The following TNIK variants were observed in gnomAD, a reference collection of about 807,000 sequenced individuals.
TNIK encodes TRAF2 and NCK-interacting protein kinase.
In TNIK, 49 loss-of-function variants were observed where a neutral mutation model predicts 191.3. That is an observed-to-expected ratio of 0.26 (90% CI 0.20 to 0.32). TNIK has a LOEUF of 0.32. Among genes scored for constraint, TNIK ranks in the 10% least tolerant of loss-of-function variants. The pLI is 1.00. For synonymous variants in TNIK, 594 were observed against 600.9 expected, an observed-to-expected ratio of 0.99 and a Z score of 0.17; for missense variants, 1,155 against 1,702.3, an observed-to-expected ratio of 0.68 and a Z score of 5.66.
In TNIK at chr3:171,139,629, G is replaced by T. The variant is rs774876987; in HGVS notation, c.1333-73C>A. 2.4e-5 allele frequency: 35 copies of T among 1,437,502 alleles called. No individual in the cohort carries two copies. The African/African-American group carries it at 4.4e-4, about 18-fold the overall frequency. The allele number at this position is 1,437,502 out of a possible 1,614,324, so 89.0% of individuals were successfully genotyped here. On this transcript the variant is annotated intron_variant, in intron 13 of 32. Coordinates refer to ENST00000436636, the MANE Select transcript of TNIK (RefSeq NM_015028.4). ...GAAATGAACCAGTAATTTCAAAGGC[G>T]ACAAGAGCCGCTAAGTAAAGTGTAG...
chr3:171,214,944 GT>G (rs1741282883), intron 3 of TNIK, among the ~76,000 whole-genome samples: 1 of 152,292 alleles, frequency 6.6e-6, no homozygotes. Context: ...CTTAGTGTTT[GT>G]GGTAGACTGA....
At chr3:171,129,081 A>G (rs1385627375) in intron 15 of TNIK, among the ~76,000 whole-genome samples, 1 of 152,090 alleles carries the variant, frequency 6.6e-6, no homozygotes, top group Non-Finnish European at 1.5e-5. Flanking sequence ...AGAACACCCA[A>G]GCCATCACTC....
intron 2 of TNIK, among the ~76,000 whole-genome samples, chr3:171,292,033 T>A (rs544539383): frequency 7.9e-5 from 12 of 152,348 alleles, no homozygotes; most frequent in South Asian, 6.2e-4. Flanking sequence ...GAGGATTTTT[T>A]AAATTTCAGA....
rs911287023 is a variant in TNIK at position 171,160,770 on chromosome 3, A to G, written c.1016+500T>C. Among the ~76,000 whole-genome samples the G allele has an allele frequency of 2.0e-5, 3 of 152,184 alleles. No individual in the cohort carries two copies. In the South Asian group the frequency reaches 6.2e-4, roughly 32 times the overall value. On this transcript the variant is annotated intron_variant, in intron 11 of 32. Coordinates refer to ENST00000436636, the MANE Select transcript of TNIK (RefSeq NM_015028.4). ...GCCCAAAAGTATTTGTTTGGAGTTCATCTCTACATATAATTTGATTTTCTG... is the reference window on the plus strand; with the variant it reads ...GCCCAAAAGTATTTGTTTGGAGTTCGTCTCTACATATAATTTGATTTTCTG...
intron 2 of TNIK, among the ~76,000 whole-genome samples, chr3:171,335,986 C>T (rs768919781): frequency 3.9e-5 from 6 of 151,986 alleles, no homozygotes; most frequent in Admixed American, 1.3e-4. Context: ...TAGTGTATCT[C>T]GTTGCAATTT....
At chr3:171,113,202 T>C (rs914317051) in intron 18 of TNIK, among the ~76,000 whole-genome samples, 3 of 152,254 alleles carry the variant, frequency 2.0e-5, no homozygotes, top group Non-Finnish European at 4.4e-5. Flanking sequence ...AAATCCTTTG[T>C]TCATGTAGCT....
intron 7 of TNIK, among the ~76,000 whole-genome samples, chr3:171,187,598 T>C (rs1017742826): frequency 6.6e-6 from 1 of 152,130 alleles, no homozygotes; most frequent in African/African-American, 2.4e-5. Flanking sequence ...TACTGTTCAA[T>C]TGATAAATTG....
intron 5 of TNIK, among the ~76,000 whole-genome samples, chr3:171,193,868 T>C (rs1402368943): frequency 6.6e-6 from 1 of 152,240 alleles, no homozygotes; most frequent in Non-Finnish European, 1.5e-5. Context: ...CCAGTTACTT[T>C]CTTCTTCCTG....
At chr3:171,446,369 TA>T (rs1041675804) in intron 1 of TNIK, among the ~76,000 whole-genome samples, 1 of 152,070 alleles carries the variant, frequency 6.6e-6, no homozygotes. Flanking sequence ...CAGGCAGCTT[TA>T]AAAAAAATAC....
At position 171,059,596 on chromosome 3, in the gene TNIK, T is replaced by C. The variant is rs1308587300; in HGVS notation, c.*4285A>G. Among the ~76,000 whole-genome samples the C allele has an allele frequency of 6.6e-6, 1 of 152,180 alleles. No individual in the cohort carries two copies. The highest frequency in any genetic ancestry group is 1.5e-5 in the Non-Finnish European group (1 of 68,024). On this transcript the variant is annotated 3_prime_UTR_variant, in exon 33 of 33. Coordinates refer to ENST00000436636, the MANE Select transcript of TNIK (RefSeq NM_015028.4). ...AGGTTTTCTTCTTTGCTGGGACTCC[T>C]GAAAAGTGATCAATTTTACACCCAA...
At chr3:171,119,195 A>G (rs1560140380) in intron 18 of TNIK, among the ~76,000 whole-genome samples, 1 of 152,222 alleles carries the variant, frequency 6.6e-6, no homozygotes, top group Non-Finnish European at 1.5e-5. Context: ...GAAAAAATGC[A>G]TCATCATCAC....
chr3:171,328,659 C>T (rs1416273671), intron 2 of TNIK, among the ~76,000 whole-genome samples: 1 of 152,156 alleles, frequency 6.6e-6, no homozygotes, highest in Admixed American at 6.5e-5. Context: ...GCCTGAAATA[C>T]CTACCAGTGA....
At chr3:171,243,535 A>T (rs1272135187) in intron 2 of TNIK, among the ~76,000 whole-genome samples, 2 of 152,176 alleles carry the variant, frequency 1.3e-5, no homozygotes, top group Non-Finnish European at 2.9e-5. Context: ...TCTGGGGTTG[A>T]ACCTGTTGGT....
intron 2 of TNIK, among the ~76,000 whole-genome samples, chr3:171,335,556 A>T (rs971372736): frequency 6.6e-6 from 1 of 152,258 alleles, no homozygotes; most frequent in Non-Finnish European, 1.5e-5. Flanking sequence ...TTCACTTAGC[A>T]TAACAATTTT....
intron 17 of TNIK, among the ~76,000 whole-genome samples, chr3:171,125,150 A>T (rs966387649): frequency 7.2e-5 from 11 of 152,212 alleles, no homozygotes; most frequent in African/African-American, 2.4e-4. Context: ...CACAGCCTCT[A>T]TGCTAATCTC....
intron 1 of TNIK, among the ~76,000 whole-genome samples, chr3:171,449,967 C>A (rs1214315220): frequency 6.6e-6 from 1 of 151,368 alleles, no homozygotes; most frequent in African/African-American, 2.4e-5. Flanking sequence ...ACCCAGGAGA[C>A]GGAGGTTGCA....
intron 1 of TNIK, among the ~76,000 whole-genome samples, chr3:171,431,428 G>T (rs895702705): frequency 2.0e-5 from 3 of 152,026 alleles, no homozygotes; most frequent in African/African-American, 7.2e-5. Flanking sequence ...ATACTGGAGA[G>T]AAATATGCCA....
intron 9 of TNIK, among the ~76,000 whole-genome samples, chr3:171,170,201 G>A (rs1207927095): frequency 1.3e-5 from 2 of 152,146 alleles, no homozygotes; most frequent in Non-Finnish European, 2.9e-5. Context: ...CCAAGGGTTG[G>A]CATGGAGAAA....
At chr3:171,142,147 A>G (rs1730926230) in intron 12 of TNIK, among the ~76,000 whole-genome samples, 1 of 152,198 alleles carries the variant, frequency 6.6e-6, no homozygotes, top group South Asian at 2.1e-4. Flanking sequence ...TTCCAGATCA[A>G]CAATGATTTT....
Sources: gnomAD v4.1 joint callset for allele counts (sites outside exome capture counted in the v4.1 genomes callset) on GRCh38, gnomAD v4.1.1 for gene constraint, MANE v1.5 for transcripts, NCBI Gene and HGNC (gene_info 2026-07-23, HGNC 2026-07-21) for gene names.